RRBP1: variants seen among roughly 807,000 people sequenced by gnomAD.
The protein encoded by RRBP1 is ribosome binding protein 1.
RRBP1 carries 94 observed loss-of-function variants against 165.2 expected under a neutral mutation model. That is an observed-to-expected ratio of 0.57 (90% CI 0.48 to 0.68). The LOEUF is 0.68. Among genes scored for constraint, RRBP1 ranks in the 30% least tolerant of loss-of-function variants. RRBP1 has a pLI of 0.00. For synonymous variants in RRBP1, 680 were observed against 714.5 expected, an observed-to-expected ratio of 0.95 and a Z score of 0.77; for missense variants, 1,676 against 1,763.0, an observed-to-expected ratio of 0.95 and a Z score of 0.88.
chr20:17,618,922 T>G, intron 19 of RRBP1: 1 of 499,560 alleles, frequency 2.0e-6, no homozygotes, highest in Non-Finnish European at 3.6e-6. Context: ...AAATGTTTAC[T>G]GATTATCTCT....
At chr20:17,619,567 G>T in intron 19 of RRBP1, 66 bp downstream of exon 19, 1 of 1,169,434 alleles carries the variant, frequency 8.6e-7, no homozygotes, top group Non-Finnish European at 1.2e-6. Context: ...GGGCTGAGGA[G>T]AAGCAGCTCA....
Position 17,614,865 on chromosome 20 carries a change from CTT to C in RRBP1, c.4064_4065del (p.Lys1355ArgfsTer7). ...CCCAGGTCACTTGTTAACTTCTTCT[CTT>C]TTTCTAGTCTCTCCTGATGGTCAGA... ...EASQLKERLE[K>X]EKKLTSDLGR... is the part of the protein sequence containing the mutation. On this transcript the variant is annotated frameshift_variant, in exon 24 of 25. Transcript: ENST00000377813. LOFTEE classifies it high-confidence loss of function. 1 of 1,613,564 alleles carries C rather than the reference CTT, an allele frequency of 6.2e-7. No individual in the cohort carries two copies. The highest frequency in any genetic ancestry group is 8.5e-7 in the Non-Finnish European group (1 of 1,180,016).
chr20:17,679,174 A>T (rs2037134422), intron 2 of RRBP1, among the ~76,000 whole-genome samples: 1 of 152,242 alleles, frequency 6.6e-6, no homozygotes, highest in Admixed American at 6.5e-5. Flanking sequence ...CCCCTAGAAC[A>T]GGGTTATTTT....
chr20:17,655,565 A>G (rs1951894016), intron 3 of RRBP1, among the ~76,000 whole-genome samples: 1 of 152,170 alleles, frequency 6.6e-6, no homozygotes, highest in Non-Finnish European at 1.5e-5. Flanking sequence ...TAGTGGCTGC[A>G]CTGTGTCTGG....
In RRBP1 at chr20:17,614,801, G is replaced by A; in HGVS notation, c.4130C>T (p.Thr1377Ile). The change falls in exon 24 of 25, where the codon ACC becomes ATC. Residue 1377 changes from threonine to isoleucine, a missense_variant. Transcript: ENST00000377813. ...ATRLQELLKT[T>I]QEQLAREKDT... ...CTTCTCCCTTGCCAGCTGCTCCTGGGTCGTCTTCAGAAGCTCCTGCAGTCT... is the reference window on the plus strand; with the variant it reads ...CTTCTCCCTTGCCAGCTGCTCCTGGATCGTCTTCAGAAGCTCCTGCAGTCT... The A allele has an allele frequency of 6.2e-7, 1 of 1,613,816 alleles. No homozygotes were observed. Among genetic ancestry groups the A allele is most frequent in the Non-Finnish European group, 8.5e-7 (1 of 1,180,018 alleles).
intron 3 of RRBP1, among the ~76,000 whole-genome samples, chr20:17,646,570 A>G (rs986412661): frequency 4.6e-5 from 7 of 152,238 alleles, no homozygotes; most frequent in African/African-American, 1.4e-4. Context: ...TGAAAAGAGT[A>G]AGTTGCAACG....
At chr20:17,669,624 G>C (rs2036937155) in intron 2 of RRBP1, among the ~76,000 whole-genome samples, 1 of 152,154 alleles carries the variant, frequency 6.6e-6, no homozygotes, top group Admixed American at 6.5e-5. Flanking sequence ...AATCTAAACA[G>C]AACAACCCAA....
At chr20:17,665,805 T>C (rs778580917) in intron 2 of RRBP1, among the ~76,000 whole-genome samples, 13 of 152,236 alleles carry the variant, frequency 8.5e-5, no homozygotes, top group Admixed American at 8.5e-4. Context: ...TTACTGTTTA[T>C]AAGTTATTTT....
In RRBP1 at chr20:17,627,644, G is replaced by C. The variant is rs756675693; in HGVS notation, c.2788C>G (p.Arg930Gly). Residue 930 changes from arginine (R) to glycine (G), a missense_variant, in exon 10 of 25, where the codon CGC becomes GGC. Transcript: ENST00000377813. ...CCACTCAGCTCCTCGCATTTGCTGC[G>C]CACCTCCGCCTCGGAGGACTGTAAC... ...SKLQSSEAEV[R>G]SKCEELSGLH... is the part of the protein sequence containing the mutation. 6.2e-7 allele frequency: 1 copy of C among 1,611,716 alleles called. No individual in the cohort carries two copies. Among genetic ancestry groups the C allele is most frequent in the East Asian group, 2.2e-5 (1 of 44,840 alleles).
intron 9 of RRBP1, among the ~76,000 whole-genome samples, chr20:17,629,141 G>A (rs1234158668): frequency 6.6e-6 from 1 of 152,244 alleles, no homozygotes; most frequent in African/African-American, 2.4e-5. Context: ...GGGCCCTGCT[G>A]TGCAATCCTG....
At chr20:17,666,777 G>A (rs6044942) in intron 2 of RRBP1, among the ~76,000 whole-genome samples, 1 of 152,178 alleles carries the variant, frequency 6.6e-6, no homozygotes, top group Non-Finnish European at 1.5e-5. Flanking sequence ...ACCAACTGCA[G>A]GTTTCTGGCA....
chr20:17,628,421 C>G (rs990283479), intron 9 of RRBP1, among the ~76,000 whole-genome samples: 2 of 152,234 alleles, frequency 1.3e-5, no homozygotes, highest in Non-Finnish European at 2.9e-5. Flanking sequence ...CTGCGGCCAC[C>G]TGGGCCCTGC....
At chr20:17,629,704 G>C in intron 9 of RRBP1, 119 bp downstream of exon 9, 1 of 1,072,364 alleles carries the variant, frequency 9.3e-7, no homozygotes, top group Non-Finnish European at 1.3e-6. Flanking sequence ...CAAGGGATCC[G>C]TGCTGCCCTC....
chr20:17,616,227 C>T (rs928158435), intron 21 of RRBP1, among the ~76,000 whole-genome samples: 3 of 152,134 alleles, frequency 2.0e-5, no homozygotes, highest in Non-Finnish European at 4.4e-5. Flanking sequence ...GGGCCTTTAA[C>T]GAGACTCACA....
chr20:17,641,615 G>A, intron 5 of RRBP1, 182 bp downstream of exon 5: 1 of 709,892 alleles, frequency 1.4e-6, no homozygotes, highest in Non-Finnish European at 2.4e-6. Flanking sequence ...TGCCAAGGGT[G>A]AGCTGCCGGC....
chr20:17,625,571 G>A lies in RRBP1; in HGVS notation c.2995C>T (p.Leu999=). The A allele has an allele frequency of 1.2e-6, 2 of 1,613,914 alleles. No homozygotes were observed. Among genetic ancestry groups the A allele is most frequent in the South Asian group, 2.2e-5 (2 of 91,076 alleles). The part of the protein sequence containing the change: ...LKELESQVSG[L]EKEAIELREA... ...CTGAGCTCGATGGCCTCCTTCTCCAGACCCGACACCTGGGACTCCAGCTCC... is the reference window on the plus strand; with the variant it reads ...CTGAGCTCGATGGCCTCCTTCTCCAAACCCGACACCTGGGACTCCAGCTCC... Residue 999 remains leucine (L), a synonymous_variant, in exon 12 of 25, where the codon CTG becomes TTG. Transcript: ENST00000377813.
chr20:17,654,255 C>T (rs185141028), intron 3 of RRBP1, among the ~76,000 whole-genome samples: 2 of 152,282 alleles, frequency 1.3e-5, no homozygotes, highest in Non-Finnish European at 2.9e-5. Context: ...TGAGTGTGAC[C>T]CCATGATGGA....
At chr20:17,666,080 T>G (rs971511276) in intron 2 of RRBP1, among the ~76,000 whole-genome samples, 14 of 152,366 alleles carry the variant, frequency 9.2e-5, no homozygotes, top group African/African-American at 3.4e-4. Context: ...AAGCATCCCC[T>G]ACAAAATTTC....
intron 2 of RRBP1, among the ~76,000 whole-genome samples, chr20:17,667,570 A>G (rs1025990964): frequency 6.6e-6 from 1 of 152,168 alleles, no homozygotes; most frequent in African/African-American, 2.4e-5. Flanking sequence ...TCCATACGTG[A>G]CTGAATTTCA....
Sources: gnomAD v4.1 joint callset for allele counts (sites outside exome capture counted in the v4.1 genomes callset) on GRCh38, gnomAD v4.1.1 for gene constraint, MANE v1.5 for transcripts, NCBI Gene and HGNC (gene_info 2026-07-23, HGNC 2026-07-21) for gene names.